Variants in ERGIC2 observed in about 807,000 individuals in gnomAD.
ERGIC2 encodes the protein ERGIC and golgi 2, also known as endoplasmic reticulum-Golgi intermediate compartment protein 2.
A neutral mutation model predicts 52.5 loss-of-function variants in ERGIC2; 31 were observed. The observed-to-expected ratio is 0.59, with a 90% confidence interval of 0.44 to 0.80. The LOEUF (loss-of-function observed/expected upper bound fraction) is 0.80. Among genes scored for constraint, ERGIC2 ranks in the 30% least tolerant of loss-of-function variants. ERGIC2 has a pLI of 0.00. For synonymous variants in ERGIC2, 129 were observed against 140.6 expected, an observed-to-expected ratio of 0.92 and a Z score of 0.58; for missense variants, 395 against 455.2, an observed-to-expected ratio of 0.87 and a Z score of 1.20.
Position 29,370,143 on chromosome 12 carries a change from A to C in ERGIC2, c.186T>G (p.Tyr62Ter). 6.5e-7 allele frequency: 1 copy of C among 1,539,898 alleles called. No homozygotes were observed. Among genetic ancestry groups the C allele is most frequent in the Non-Finnish European group, 8.7e-7 (1 of 1,154,806 alleles). The change falls in exon 3 of 14, where the codon TAT (tyrosine) becomes TAG (stop). Residue 62 changes from tyrosine to a stop codon, truncating the protein, a stop_gained. Coordinates refer to ENST00000360150, the MANE Select transcript of ERGIC2 (RefSeq NM_016570.3). LOFTEE classifies it high-confidence loss of function. ...FSVYQDTWMK[Y>*]EYEVDKDFSS... The stretch of plus-strand genomic sequence containing the variant: ...AAAAATCCTTGTCTACTTCGTATTC[A>C]TACTTCATCCATGTATCTTGATATA...
intron 5 of ERGIC2, among the ~76,000 whole-genome samples, chr12:29,364,037 A>C (rs1178928526): frequency 2.6e-5 from 4 of 152,152 alleles, no homozygotes; most frequent in African/African-American, 9.7e-5. Context: ...ATATGCTGTA[A>C]ACTTTCATGA....
chr12:29,347,067 C>T (rs1344099232), intron 10 of ERGIC2, among the ~76,000 whole-genome samples: 1 of 152,156 alleles, frequency 6.6e-6, no homozygotes, highest in Non-Finnish European at 1.5e-5. Flanking sequence ...AAAAAATTCT[C>T]CCAGATTTAA....
intron 1 of ERGIC2, among the ~76,000 whole-genome samples, chr12:29,374,213 A>G (rs1300299070): frequency 6.6e-6 from 1 of 152,182 alleles, no homozygotes; most frequent in Non-Finnish European, 1.5e-5. Flanking sequence ...TAACTTCCTT[A>G]GTACTGACAG....
At chr12:29,354,821 T>C (rs1399216608) in intron 8 of ERGIC2, among the ~76,000 whole-genome samples, 3 of 152,210 alleles carry the variant, frequency 2.0e-5, no homozygotes, top group Admixed American at 6.5e-5. Flanking sequence ...TTGAGTTGGT[T>C]GTGGACTAGA....
In ERGIC2 at chr12:29,371,674, AG is replaced by A; in HGVS notation, c.-37-5del. ...CCTCTTCCTTCATATAGTCATGCTAAGGAATAAATAAATTAATGAATAAATG... is the reference window on the plus strand; with the variant it reads ...CCTCTTCCTTCATATAGTCATGCTAAGAATAAATAAATTAATGAATAAATG... On this transcript the variant is annotated splice_region_variant and splice_polypyrimidine_tract_variant and intron_variant, in intron 1 of 13. Coordinates refer to ENST00000360150, the MANE Select transcript of ERGIC2 (RefSeq NM_016570.3). 4.7e-6 allele frequency: 6 copies of A among 1,265,810 alleles called. No individual in the cohort carries two copies. The highest frequency in any genetic ancestry group is 6.9e-6 in the Non-Finnish European group (6 of 873,532). The allele number at this position is 1,265,810 out of a possible 1,614,324, so 78.4% of individuals were successfully genotyped here.
chr12:29,356,506 C>T, intron 7 of ERGIC2, 29 bp from the exon 8 acceptor site: 1 of 1,248,038 alleles, frequency 8.0e-7, no homozygotes, highest in Admixed American at 1.7e-5. Flanking sequence ...TTATTTAAAG[C>T]ACATTCAATA....
chr12:29,345,723 C>T (rs564848397), intron 10 of ERGIC2, among the ~76,000 whole-genome samples, 183 bp from the exon 11 acceptor site: 30 of 152,148 alleles, frequency 2.0e-4, no homozygotes, highest in Non-Finnish European at 3.8e-4. Flanking sequence ...AGAACAGTCT[C>T]GAACTTGAGT....
chr12:29,357,914 G>A (rs944666233), intron 6 of ERGIC2, among the ~76,000 whole-genome samples, 190 bp from the exon 7 acceptor site: 3 of 152,228 alleles, frequency 2.0e-5, no homozygotes, highest in African/African-American at 7.2e-5. Context: ...GGGTGGCTAA[G>A]AGGTCTAATA....
intron 5 of ERGIC2, among the ~76,000 whole-genome samples, chr12:29,362,408 T>C (rs1483146064): frequency 6.6e-6 from 1 of 152,014 alleles, no homozygotes; most frequent in Non-Finnish European, 1.5e-5. Flanking sequence ...AAACCCTGCC[T>C]CTACTAAAAT....
intron 3 of ERGIC2, among the ~76,000 whole-genome samples, 196 bp downstream of exon 3, chr12:29,369,918 T>C (rs1200473537): frequency 6.6e-6 from 1 of 151,992 alleles, no homozygotes; most frequent in East Asian, 1.9e-4. Context: ...ACCTCAGTTT[T>C]AGAATTCAAC....
At chr12:29,358,031 T>A (rs1003179554) in intron 6 of ERGIC2, among the ~76,000 whole-genome samples, 1 of 152,168 alleles carries the variant, frequency 6.6e-6, no homozygotes, top group Non-Finnish European at 1.5e-5. Context: ...CTTTCATGCA[T>A]ACATGCACAA....
intron 5 of ERGIC2, among the ~76,000 whole-genome samples, chr12:29,365,803 A>G (rs1940353934): frequency 6.6e-6 from 1 of 152,052 alleles, no homozygotes; most frequent in African/African-American, 2.4e-5. Context: ...ATATGCTGTC[A>G]TATATGAATC....
chr12:29,352,595 C>G (rs1279996396), intron 8 of ERGIC2, among the ~76,000 whole-genome samples: 1 of 152,094 alleles, frequency 6.6e-6, no homozygotes, highest in East Asian at 1.9e-4. Flanking sequence ...ACCTGGGAGG[C>G]AGAGATTGCA....
At chr12:29,344,865 C>T (rs1565535650) in intron 11 of ERGIC2, among the ~76,000 whole-genome samples, 1 of 152,068 alleles carries the variant, frequency 6.6e-6, no homozygotes, top group Non-Finnish European at 1.5e-5. Flanking sequence ...GATAAGAAAT[C>T]TATTAAACTG....
Position 29,371,660 on chromosome 12 carries a change from A to T in ERGIC2, c.-27T>A. On this transcript the variant is annotated 5_prime_UTR_variant, in exon 2 of 14. It removes an upstream start codon present in the reference 5' UTR. Transcript: ENST00000360150. ...TTCAGGAAAACCTTCCTCTTCCTTC[A>T]TATAGTCATGCTAAGGAATAAATAA... 5 of 1,386,332 alleles carry T rather than the reference A, an allele frequency of 3.6e-6. No individual in the cohort carries two copies. Among genetic ancestry groups the T allele is most frequent in the Non-Finnish European group, 5.1e-6 (5 of 973,540 alleles). The allele number at this position is 1,386,332 out of a possible 1,614,324, so 85.9% of individuals were successfully genotyped here.
intron 5 of ERGIC2, among the ~76,000 whole-genome samples, chr12:29,363,420 C>A (rs976667843): frequency 1.3e-5 from 2 of 151,444 alleles, no homozygotes; most frequent in East Asian, 3.9e-4. Flanking sequence ...AAAAATAATT[C>A]TTAAACACTT....
chr12:29,363,315 G>A (rs1324247189), intron 5 of ERGIC2, among the ~76,000 whole-genome samples: 2 of 151,960 alleles, frequency 1.3e-5, no homozygotes, highest in Non-Finnish European at 2.9e-5. Flanking sequence ...AACTAGTAAA[G>A]TTATCAGGGC....
At chr12:29,350,989 T>C (rs1045498819) in intron 8 of ERGIC2, among the ~76,000 whole-genome samples, 1 of 152,146 alleles carries the variant, frequency 6.6e-6, no homozygotes, top group Non-Finnish European at 1.5e-5. Context: ...TGCATGAAAC[T>C]TAATTTCCAA....
At chr12:29,373,745 T>C (rs954964060) in intron 1 of ERGIC2, among the ~76,000 whole-genome samples, 8 of 152,164 alleles carry the variant, frequency 5.3e-5, no homozygotes, top group African/African-American at 1.9e-4. Flanking sequence ...AATTATGATT[T>C]TTTTCCCATG....
Sources: allele counts gnomAD v4.1 joint callset (sites outside exome capture counted in the v4.1 genomes callset), GRCh38; gene constraint gnomAD v4.1.1; transcripts MANE v1.5; gene names NCBI Gene and HGNC (gene_info 2026-07-23, HGNC 2026-07-21).